The following AOPEP variants were observed in gnomAD, a reference collection of about 807,000 sequenced individuals.
AOPEP encodes the protein aminopeptidase O (putative).
A neutral mutation model predicts 98.1 loss-of-function variants in AOPEP; 77 were observed. The observed-to-expected ratio is 0.78, with a 90% CI of 0.65 to 0.95. The LOEUF (loss-of-function observed/expected upper bound fraction) is 0.95. Among genes scored for constraint, AOPEP ranks in the 40% least tolerant of loss-of-function variants. The pLI is 0.00. For synonymous variants in AOPEP, 346 were observed against 365.3 expected (o/e 0.95, Z 0.60); for missense variants, 1,024 against 1,024.7 (o/e 1.00, Z 0.01).
intron 13 of AOPEP, chr9:95,048,690 G>A (rs966823083): frequency 1.3e-5 from 2 of 152,212 alleles, no homozygotes; most frequent in African/African-American, 2.4e-5. Flanking sequence ...CCTCGGGCGC[G>A]CTTTGGGACG....
chr9:95,115,712 T>C, the AOPEP span, among the ~76,000 whole-genome samples: 1 of 152,212 alleles, frequency 6.6e-6, no homozygotes, highest in Admixed American at 6.5e-5. Context: ...GACAAACTGC[T>C]GCTACTCCAC....
At chr9:94,777,752 C>T (rs368030) in intron 3 of AOPEP, among the ~76,000 whole-genome samples, 147,800 of 150,750 alleles carry the variant, frequency 0.98, 72,455 homozygotes, top group East Asian at 1. Flanking sequence ...TCTCACCGAG[C>T]AGCTGGGATT....
rs753426667 is a variant in AOPEP at position 95,080,707 on chromosome 9, G to A, written c.2246G>A (p.Trp749Ter). Residue 749 changes from tryptophan (W) to a stop codon, truncating the protein, a stop_gained, in exon 15 of 17, where the codon TGG (tryptophan) becomes TAG (stop). Coordinates refer to ENST00000375315, the MANE Select transcript of AOPEP (RefSeq NM_001193329.3). LOFTEE classifies it high-confidence loss of function. ...TTGTTCCTCCAGGTTCGCCATCGGTGGTGTGAACTCATTGTTAAGCACAAG... is the reference window on the plus strand; with the variant it reads ...TTGTTCCTCCAGGTTCGCCATCGGTAGTGTGAACTCATTGTTAAGCACAAG... The part of the protein sequence containing the change: ...QDQDAEVRHR[W>*]CELIVKHKFT... 3.7e-6 allele frequency: 6 copies of A among 1,613,604 alleles called. No individual in the cohort carries two copies. Among genetic ancestry groups the A allele is most frequent in the Non-Finnish European group, 5.1e-6 (6 of 1,179,884 alleles).
intron 7 of AOPEP, chr9:94,933,185 C>CGT: frequency 1.0e-6 from 1 of 985,680 alleles, no homozygotes; most frequent in Non-Finnish European, 1.2e-6. Flanking sequence ...CCTCCTGACT[C>CGT]GTGCAGCAGT....
chr9:94,783,005 C>A (rs1198828133), intron 3 of AOPEP, among the ~76,000 whole-genome samples: 1 of 152,182 alleles, frequency 6.6e-6, no homozygotes, highest in Non-Finnish European at 1.5e-5. Context: ...ACTTGACATT[C>A]ATGAATGTTC....
chr9:95,032,037 A>G (rs893482233), intron 13 of AOPEP, among the ~76,000 whole-genome samples: 7 of 152,176 alleles, frequency 4.6e-5, no homozygotes, highest in Admixed American at 2.0e-4. Flanking sequence ...ATCCTGTTAC[A>G]TTAACCATAA....
At chr9:94,738,507 C>T (rs1832281489) in intron 1 of AOPEP, among the ~76,000 whole-genome samples, 1 of 152,122 alleles carries the variant, frequency 6.6e-6, no homozygotes, top group South Asian at 2.1e-4. Flanking sequence ...AACATCAGAG[C>T]ACTGTGAACA....
At chr9:94,931,484 A>T (rs887879410) in intron 7 of AOPEP, among the ~76,000 whole-genome samples, 5 of 152,190 alleles carry the variant, frequency 3.3e-5, no homozygotes, top group African/African-American at 1.2e-4. Context: ...GTTTACTCCC[A>T]TCCCCTAGAA....
chr9:95,004,430 T>A (rs1362579726), intron 11 of AOPEP: 1 of 376,292 alleles, frequency 2.7e-6, no homozygotes, highest in Non-Finnish European at 5.4e-6. Context: ...CTCTGCGCCC[T>A]GGCCTCGCCC....
At chr9:94,860,318 C>G (rs959947694) in intron 5 of AOPEP, among the ~76,000 whole-genome samples, 1 of 151,398 alleles carries the variant, frequency 6.6e-6, no homozygotes, top group Non-Finnish European at 1.5e-5. Flanking sequence ...ATAAGGGCGT[C>G]AGACCAAGCA....
intron 11 of AOPEP, among the ~76,000 whole-genome samples, chr9:94,985,447 C>T (rs1479375610): frequency 6.6e-6 from 1 of 152,154 alleles, no homozygotes; most frequent in Non-Finnish European, 1.5e-5. Context: ...GTGCTTTTAG[C>T]ACAGAGAAAT....
At chr9:94,882,836 A>G (rs1341508306) in intron 5 of AOPEP, among the ~76,000 whole-genome samples, 1 of 151,940 alleles carries the variant, frequency 6.6e-6, no homozygotes, top group East Asian at 1.9e-4. Flanking sequence ...TGGTCATCTT[A>G]ATTCTAAGTT....
At chr9:94,750,132 C>T (rs896153559) in intron 1 of AOPEP, among the ~76,000 whole-genome samples, 5 of 152,168 alleles carry the variant, frequency 3.3e-5, no homozygotes, top group African/African-American at 1.2e-4. Flanking sequence ...CTCCTCCATA[C>T]TTGCATGGTT....
intron 14 of AOPEP, among the ~76,000 whole-genome samples, chr9:95,079,835 C>G (rs2134208973): frequency 6.6e-6 from 1 of 152,320 alleles, no homozygotes; most frequent in East Asian, 1.9e-4. Context: ...TTGTGCAAAC[C>G]TACACACCTG....
chr9:94,839,659 T>C (rs2042054051), intron 5 of AOPEP, among the ~76,000 whole-genome samples: 1 of 152,232 alleles, frequency 6.6e-6, no homozygotes, highest in Admixed American at 6.5e-5. Context: ...GGGACAGTTT[T>C]ATTTGTTTCT....
intron 13 of AOPEP, among the ~76,000 whole-genome samples, chr9:95,026,522 C>T (rs1015170428): frequency 2.2e-4 from 34 of 152,322 alleles, no homozygotes; most frequent in South Asian, 1.0e-3. Context: ...CAGTGTGTAT[C>T]GCTGTGTTCC....
chr9:94,987,244 G>C (rs936581385), intron 11 of AOPEP, among the ~76,000 whole-genome samples: 5 of 152,250 alleles, frequency 3.3e-5, no homozygotes, highest in Non-Finnish European at 7.3e-5. Flanking sequence ...GTAGTGGAAA[G>C]CTTAGTGTTC....
chr9:95,136,299 T>C, the AOPEP span, among the ~76,000 whole-genome samples: 571 of 152,158 alleles, frequency 3.8e-3, 2 homozygotes, highest in African/African-American at 0.013. Flanking sequence ...CTTGGGAGGC[T>C]GAGGCAGGAG....
intron 5 of AOPEP, among the ~76,000 whole-genome samples, chr9:94,858,905 G>C (rs1022497400): frequency 1.5e-4 from 23 of 152,018 alleles, no homozygotes. Flanking sequence ...GCGGGTGCCT[G>C]TAGTCCCAGC....
Sources: allele counts gnomAD v4.1 joint callset (sites outside exome capture counted in the v4.1 genomes callset), GRCh38; gene constraint gnomAD v4.1.1; transcripts MANE v1.5; gene names NCBI Gene and HGNC (gene_info 2026-07-23, HGNC 2026-07-21).